The following C6orf89 variants were observed in gnomAD, a reference collection of about 807,000 sequenced individuals.
C6orf89 encodes bombesin receptor-activated protein C6orf89.
C6orf89 carries 29 observed loss-of-function variants against 40.7 expected under a neutral mutation model. The ratio of observed to expected loss-of-function variants is 0.71; its 90% CI spans 0.53 to 0.97. The LOEUF is 0.97. Among genes scored for constraint, C6orf89 ranks in the 50% least tolerant of loss-of-function variants. The probability of loss-of-function intolerance (pLI) is 0.00; values close to 1 mark genes in which losing one functional copy is unlikely to be tolerated. For synonymous variants in C6orf89, 165 were observed against 152.2 expected, an observed-to-expected ratio of 1.08 and a Z score of -0.62; for missense variants, 392 against 429.1, an observed-to-expected ratio of 0.91 and a Z score of 0.76.
intron 8 of C6orf89, 110 bp downstream of exon 8, chr6:36,919,811 A>G (rs1762453279): frequency 8.8e-7 from 1 of 1,141,216 alleles, no homozygotes; most frequent in South Asian, 1.9e-5. Flanking sequence ...TAGTAGAATC[A>G]AAAATAACAT....
rs1225317306 is a variant in C6orf89 at position 36,885,976 on chromosome 6, C to T, written c.-172C>T. On this transcript the variant is annotated 5_prime_UTR_variant, in exon 1 of 9. Transcript: ENST00000480824. ...CAGGAAGTTGCCCATCCTCCTCGCCCGGCGGCAGCTGTCCCCGAGGCGGGA... is the reference window on the plus strand; with the variant it reads ...CAGGAAGTTGCCCATCCTCCTCGCCTGGCGGCAGCTGTCCCCGAGGCGGGA... 4.0e-6 allele frequency: 5 copies of T among 1,262,280 alleles called. No individual in the cohort carries two copies. Among genetic ancestry groups the T allele is most frequent in the Non-Finnish European group, 3.0e-6 (3 of 1,002,912 alleles). 78.2% of individuals were successfully genotyped at this position (1,262,280 alleles called of 1,614,324 possible).
At chr6:36,918,838 G>A (rs1283626783) in intron 7 of C6orf89, among the ~76,000 whole-genome samples, 1 of 152,226 alleles carries the variant, frequency 6.6e-6, no homozygotes, top group Non-Finnish European at 1.5e-5. Context: ...ATAGCAGGTT[G>A]CATTTAATGC....
chr6:36,916,595 T>G, intron 7 of C6orf89, 21 bp downstream of exon 7: 1 of 1,612,498 alleles, frequency 6.2e-7, no homozygotes, highest in Non-Finnish European at 8.5e-7. Flanking sequence ...TTGAGAGGAC[T>G]TGGATCTAGA....
At chr6:36,904,138 A>G (rs1455222209) in intron 4 of C6orf89, among the ~76,000 whole-genome samples, 1 of 152,134 alleles carries the variant, frequency 6.6e-6, no homozygotes, top group Non-Finnish European at 1.5e-5. Flanking sequence ...AGTTTTCCTG[A>G]CCTGGTTGAT....
At chr6:36,873,151 C>T (rs1197574004) in intron 1 of C6orf89, among the ~76,000 whole-genome samples, 1 of 152,186 alleles carries the variant, frequency 6.6e-6, no homozygotes, top group Non-Finnish European at 1.5e-5. Flanking sequence ...CAGAAAGTAG[C>T]CTTTTGGAAA....
Position 36,912,424 on chromosome 6 carries a change from A to G in C6orf89, c.404-1860A>G, listed in dbSNP as rs1036511661. On this transcript the variant is annotated intron_variant, in intron 4 of 8. Transcript: ENST00000480824. ...CAAGTACTTTGGAAACCGAAATGCT[A>G]TATAATTGTAACATGTTGTTATGAT... Among the ~76,000 whole-genome samples the G allele has an allele frequency of 3.3e-5, 5 of 152,346 alleles. No homozygotes were observed. In the South Asian group the frequency reaches 6.2e-4, roughly 19 times the overall value.
chr6:36,904,190 A>G (rs938184083), intron 4 of C6orf89, among the ~76,000 whole-genome samples: 4 of 152,234 alleles, frequency 2.6e-5, no homozygotes, highest in African/African-American at 7.2e-5. Context: ...AAATCTCCAT[A>G]CACGGTTGAA....
chr6:36,881,182 A>T (rs1774796147), upstream of C6orf89, among the ~76,000 whole-genome samples: 1 of 152,264 alleles, frequency 6.6e-6, no homozygotes, highest in African/African-American at 2.4e-5. Flanking sequence ...GCTAAGAGTT[A>T]ACATTGTAAT....
intron 1 of C6orf89, among the ~76,000 whole-genome samples, chr6:36,894,183 T>G (rs1761337722): frequency 6.6e-6 from 1 of 152,176 alleles, no homozygotes. Flanking sequence ...TGTTCTCTTC[T>G]GTGTGTGATG....
At chr6:36,915,659 T>A (rs1762287434) in intron 6 of C6orf89, among the ~76,000 whole-genome samples, 1 of 149,968 alleles carries the variant, frequency 6.7e-6, no homozygotes, top group Non-Finnish European at 1.5e-5. Flanking sequence ...TAAGCCATGA[T>A]CATACCACTG....
intron 1 of C6orf89, among the ~76,000 whole-genome samples, chr6:36,890,813 A>G (rs1761176141): frequency 6.6e-6 from 1 of 152,220 alleles, no homozygotes; most frequent in Non-Finnish European, 1.5e-5. Flanking sequence ...TTTTGGGATT[A>G]CAAGTGTGAG....
In C6orf89 at chr6:36,914,178, A is replaced by G. The variant is rs1762228728; in HGVS notation, c.404-106A>G. The G allele has an allele frequency of 2.8e-6, 3 of 1,074,982 alleles. No homozygotes were observed. The African/African-American group carries it at 4.8e-5, about 17-fold the overall frequency. 66.6% of individuals were successfully genotyped at this position (1,074,982 alleles called of 1,614,324 possible). ...CTGTCTCAAAATAAATAAATAAATA[A>G]AAGTCATTATGATGTCTTTCCTTTC... is the stretch of plus-strand genomic sequence containing the variant. On this transcript the variant is annotated intron_variant, in intron 4 of 8. Coordinates refer to ENST00000480824, the MANE Select transcript of C6orf89 (RefSeq NM_001286635.2).
At chr6:36,905,108 G>A (rs1376060269) in intron 4 of C6orf89, among the ~76,000 whole-genome samples, 2 of 152,188 alleles carry the variant, frequency 1.3e-5, no homozygotes, top group Non-Finnish European at 2.9e-5. Flanking sequence ...TTACTTACCA[G>A]ATGCCAGACC....
In C6orf89 at chr6:36,919,567, C is replaced by G. The variant is rs1225918814; in HGVS notation, c.826-11C>G. ...CCTTCCTTTTCCTCCCCTCCTCATT[C>G]TTTCCTCCAGATGCATAAGATGCCT... On this transcript the variant is annotated splice_polypyrimidine_tract_variant and intron_variant, in intron 7 of 8. Transcript: ENST00000480824. 2 of 1,608,512 alleles carry G rather than the reference C, an allele frequency of 1.2e-6. No individual in the cohort carries two copies. The highest frequency in any genetic ancestry group is 4.5e-5 in the East Asian group (2 of 44,778).
At position 36,925,620 on chromosome 6, in the gene C6orf89, A is replaced by G. The variant is rs1027117944; in HGVS notation, c.*2179A>G. On this transcript the variant is annotated 3_prime_UTR_variant, in exon 9 of 9. Coordinates refer to ENST00000480824, the MANE Select transcript of C6orf89 (RefSeq NM_001286635.2). ...TGAATGTAAACTTGTATTAGGGGAA[A>G]ATTCTCCAAAGAGGGTTTTCTACAT... 3.4e-4 allele frequency: 52 copies of G among 152,204 alleles called. No homozygotes were observed. The highest frequency in any genetic ancestry group is 1.2e-3 in the African/African-American group (49 of 41,450). The allele number at this position is 152,204 out of a possible 1,614,324, so 9.4% of individuals were successfully genotyped here.
At chr6:36,880,205 TAA>T (rs527578069) in intron 2 of C6orf89, among the ~76,000 whole-genome samples, 49 of 152,290 alleles carry the variant, frequency 3.2e-4, no homozygotes, top group Admixed American at 7.2e-4. Flanking sequence ...AGGACTTTAT[TAA>T]AGAGTGCTAT....
At chr6:36,908,558 C>A (rs1762009412) in intron 4 of C6orf89, among the ~76,000 whole-genome samples, 1 of 152,152 alleles carries the variant, frequency 6.6e-6, no homozygotes, top group Admixed American at 6.5e-5. Context: ...CTGAGTTTTT[C>A]CATGTCTATA....
Position 36,915,377 on chromosome 6 carries a change from T to A in C6orf89, c.695+684T>A, listed in dbSNP as rs150201818. 7.3e-3 allele frequency among the ~76,000 whole-genome samples: 1,112 copies of A among 152,352 alleles called. 13 individuals carry two copies. Among genetic ancestry groups the A allele is most frequent in the African/African-American group, 0.023 (969 of 41,580 alleles). Reference sequence around the variant, plus strand: ...AGTGTGGCTTGGTGCTTAGTGTCTGTGTCTCACTGGGGACACTGATAATAA... The same window carrying A: ...AGTGTGGCTTGGTGCTTAGTGTCTGAGTCTCACTGGGGACACTGATAATAA... On this transcript the variant is annotated intron_variant, in intron 6 of 8. Coordinates refer to ENST00000480824, the MANE Select transcript of C6orf89 (RefSeq NM_001286635.2).
rs370624106 is a variant in C6orf89, at chr6:36,876,395, C to T, written c.-627-2613C>T. Among the ~76,000 whole-genome samples the T allele has an allele frequency of 5.9e-5, 9 of 152,218 alleles. No individual in the cohort carries two copies. The East Asian group carries it at 1.3e-3, about 23-fold the overall frequency. On this transcript the variant is annotated intron_variant, in intron 1 of 9. Transcript: ENST00000359359. ...TCTAGGAGAGATGGGCAACTAAATA[C>T]GTAGCTGTAGGAGCGTGGAATGAGG...
Sources: allele counts gnomAD v4.1 joint callset (sites outside exome capture counted in the v4.1 genomes callset), GRCh38; gene constraint gnomAD v4.1.1; transcripts MANE v1.5; gene names NCBI Gene and HGNC (gene_info 2026-07-23, HGNC 2026-07-21).